Variants in FMNL2 observed in about 807,000 individuals in gnomAD.
FMNL2 encodes the protein formin-like protein 2.
FMNL2 carries 51 observed loss-of-function variants against 130.2 expected under a neutral mutation model. The ratio of observed to expected loss-of-function variants is 0.39; its 90% CI spans 0.31 to 0.49. FMNL2 has a LOEUF of 0.49. FMNL2 is among the 20% of genes least tolerant of loss of function. FMNL2 has a pLI of 0.85. For synonymous variants in FMNL2, 465 were observed against 467.1 expected (o/e 1.00, Z 0.06); for missense variants, 977 against 1,316.2 (o/e 0.74, Z 3.99).
intron 1 of FMNL2, among the ~76,000 whole-genome samples, chr2:152,418,897 G>A (rs1686758574): frequency 6.6e-6 from 1 of 151,578 alleles, no homozygotes; most frequent in Non-Finnish European, 1.5e-5. Flanking sequence ...TTTCCACGGT[G>A]TCTGCTGCAC....
At chr2:152,422,938 A>G (rs1053194167) in intron 1 of FMNL2, among the ~76,000 whole-genome samples, 14 of 152,172 alleles carry the variant, frequency 9.2e-5, no homozygotes, top group African/African-American at 3.4e-4. Context: ...TCAGTTTTAA[A>G]CTGCTCTTTT....
At chr2:152,408,608 T>C (rs1686124512) in intron 1 of FMNL2, among the ~76,000 whole-genome samples, 1 of 152,196 alleles carries the variant, frequency 6.6e-6, no homozygotes, top group Non-Finnish European at 1.5e-5. Flanking sequence ...AAACCCATTG[T>C]AAGTTGAAAA....
At chr2:152,435,377 T>C (rs1687697430) in intron 1 of FMNL2, among the ~76,000 whole-genome samples, 2 of 152,188 alleles carry the variant, frequency 1.3e-5, no homozygotes, top group Admixed American at 1.3e-4. Flanking sequence ...AAATAATTTG[T>C]ATGCAGCAAA....
chr2:152,504,280 G>A (rs1345942705), intron 1 of FMNL2, among the ~76,000 whole-genome samples: 5 of 143,850 alleles, frequency 3.5e-5, no homozygotes, highest in Middle Eastern at 3.7e-3. Context: ...TCTTTTCTTC[G>A]AGACGGGGTC....
intron 1 of FMNL2, among the ~76,000 whole-genome samples, chr2:152,521,554 C>A (rs1004274391): frequency 6.6e-6 from 1 of 151,880 alleles, no homozygotes; most frequent in African/African-American, 2.4e-5. Flanking sequence ...TGATTCTGAT[C>A]ATTGTGTTCT....
At chr2:152,348,487 C>T (rs1407508128) in intron 1 of FMNL2, among the ~76,000 whole-genome samples, 1 of 152,166 alleles carries the variant, frequency 6.6e-6, no homozygotes, top group African/African-American at 2.4e-5. Context: ...GCTCTGGATA[C>T]CTATTTAACT....
At chr2:152,567,959 A>G (rs1266749020) in intron 6 of FMNL2, among the ~76,000 whole-genome samples, 1 of 152,232 alleles carries the variant, frequency 6.6e-6, no homozygotes, top group Non-Finnish European at 1.5e-5. Context: ...TGGAAGCTCC[A>G]TAGAAGGCTT....
intron 1 of FMNL2, among the ~76,000 whole-genome samples, chr2:152,412,431 T>C (rs1023278155): frequency 3.0e-5 from 4 of 134,484 alleles, no homozygotes; most frequent in Non-Finnish European, 6.2e-5. Flanking sequence ...TTCCTCTTAC[T>C]TTCTTCTGTA....
At chr2:152,403,601 C>G (rs1015388732) in intron 1 of FMNL2, among the ~76,000 whole-genome samples, 1 of 151,738 alleles carries the variant, frequency 6.6e-6, no homozygotes, top group Non-Finnish European at 1.5e-5. Context: ...TACAGAATTC[C>G]TCTTTGACTT....
chr2:152,573,467 A>C (rs1696296372), intron 6 of FMNL2, among the ~76,000 whole-genome samples: 1 of 152,036 alleles, frequency 6.6e-6, no homozygotes, highest in African/African-American at 2.4e-5. Flanking sequence ...CAGTGAGGAG[A>C]CTTCTGGTTT....
At chr2:152,417,448 G>A (rs1023797642) in intron 1 of FMNL2, among the ~76,000 whole-genome samples, 70 of 152,206 alleles carry the variant, frequency 4.6e-4, no homozygotes, top group Admixed American at 4.6e-3. Flanking sequence ...AGCCTTGTTG[G>A]TTGTTGTGCT....
intron 1 of FMNL2, among the ~76,000 whole-genome samples, chr2:152,341,356 T>G (rs759010669): frequency 4.1e-4 from 63 of 152,208 alleles, no homozygotes; most frequent in South Asian, 2.1e-4. Context: ...TATATTGGGG[T>G]ATCTAGGATA....
At chr2:152,360,676 AG>A (rs1341858153) in intron 1 of FMNL2, among the ~76,000 whole-genome samples, 3 of 152,238 alleles carry the variant, frequency 2.0e-5, no homozygotes, top group African/African-American at 7.2e-5. Context: ...GTATATTCAA[AG>A]GAAATCAAAA....
At chr2:152,407,048 A>G (rs1184909193) in intron 1 of FMNL2, among the ~76,000 whole-genome samples, 3 of 152,184 alleles carry the variant, frequency 2.0e-5, no homozygotes, top group East Asian at 1.9e-4. Context: ...ATTATTTTCC[A>G]TACTGGGTTG....
chr2:152,485,274 C>T (rs539132687), intron 1 of FMNL2, among the ~76,000 whole-genome samples: 1 of 152,146 alleles, frequency 6.6e-6, no homozygotes, highest in African/African-American at 2.4e-5. Context: ...GGGCAGATCA[C>T]GAGGTCAAGA....
intron 1 of FMNL2, among the ~76,000 whole-genome samples, chr2:152,425,914 T>C (rs1687178198): frequency 6.6e-6 from 1 of 152,194 alleles, no homozygotes; most frequent in Non-Finnish European, 1.5e-5. Context: ...TTGGCCAGAA[T>C]ACACAGAGAG....
intron 2 of FMNL2, among the ~76,000 whole-genome samples, chr2:152,523,350 C>G (rs774365436): frequency 3.9e-5 from 6 of 151,976 alleles, no homozygotes; most frequent in Non-Finnish European, 5.9e-5. Flanking sequence ...GGTATAAATG[C>G]TTATAAGAGA....
rs776466747 is a variant in FMNL2 at position 152,611,583 on chromosome 2, T to C, written c.1040T>C (p.Leu347Ser). 13 of 1,601,002 alleles carry C rather than the reference T, an allele frequency of 8.1e-6. No individual in the cohort carries two copies. The highest frequency in any genetic ancestry group is 1.7e-5 in the Admixed American group (1 of 58,608). ...RVHLQYEFTK[L>S]GLDEYLDKLK... The stretch of plus-strand genomic sequence containing the variant: ...CACCTGCAGTATGAATTTACCAAAT[T>C]AGGCCTGGACGAATACTTGGACGTG... The change falls in exon 11 of 26, where the codon TTA (leucine) becomes TCA (serine). Residue 347 changes from leucine (L) to serine (S), a missense_variant. This residue lies in a region of FMNL2 where 689 missense variants were observed against 995.9 expected (regional missense o/e 0.69). Coordinates refer to ENST00000288670, the MANE Select transcript of FMNL2 (RefSeq NM_052905.4).
At position 152,434,744 on chromosome 2, in the gene FMNL2, C is replaced by T. The variant is rs114987871; in HGVS notation, c.118-87199C>T. 1.6e-3 allele frequency among the ~76,000 whole-genome samples: 236 copies of T among 152,088 alleles called. 1 individual carries two copies. Among genetic ancestry groups the T allele is most frequent in the Non-Finnish European group, 2.4e-3 (164 of 67,986 alleles). ...TTGTTTGTTATTGGCTCTAATTAGGCAGGTAGGCTTAGCTCCTTTAATTAT... is the reference window on the plus strand; with the variant it reads ...TTGTTTGTTATTGGCTCTAATTAGGTAGGTAGGCTTAGCTCCTTTAATTAT... On this transcript the variant is annotated intron_variant, in intron 1 of 25. Coordinates refer to ENST00000288670, the MANE Select transcript of FMNL2 (RefSeq NM_052905.4).
Sources: allele counts gnomAD v4.1 joint callset (sites outside exome capture counted in the v4.1 genomes callset), GRCh38; gene constraint gnomAD v4.1.1; regional missense constraint gnomAD v4.1.1; transcripts MANE v1.5; gene names NCBI Gene and HGNC (gene_info 2026-07-23, HGNC 2026-07-21).